The following WDR31 variants were observed in gnomAD, a reference collection of about 807,000 sequenced individuals.
WDR31 encodes WD repeat-containing protein 31.
A neutral mutation model predicts 47.3 loss-of-function variants in WDR31; 30 were observed. The observed-to-expected ratio is 0.63, with a 90% CI of 0.47 to 0.86. WDR31 has a LOEUF of 0.86. Ranked by LOEUF, WDR31 falls within the 40% of genes least tolerant of loss-of-function variation. WDR31 has a pLI of 0.00. For synonymous variants in WDR31, 137 were observed against 159.4 expected (o/e 0.86, Z 1.06); for missense variants, 406 against 442.9 (o/e 0.92, Z 0.75).
In WDR31 at chr9:113,316,517, A is replaced by G. The variant is rs1453058642; in HGVS notation, c.*232T>C. The G allele has an allele frequency of 1.8e-5, 8 of 453,552 alleles. No individual in the cohort carries two copies. Among genetic ancestry groups the G allele is most frequent in the Admixed American group, 3.7e-5 (1 of 27,394 alleles). 28.1% of individuals were successfully genotyped at this position (453,552 alleles called of 1,614,324 possible). ...AAGCTCACTAAAAAGTTGCATTTGT[A>G]TTTAACTTAAATAGAGAACCTTATG... On this transcript the variant is annotated 3_prime_UTR_variant, in exon 11 of 11. Transcript: ENST00000374193.
intron 3 of WDR31, 28 bp downstream of exon 3, chr9:113,331,879 C>T (rs1194411245): frequency 6.2e-7 from 1 of 1,606,784 alleles, no homozygotes; most frequent in African/African-American, 1.3e-5. Flanking sequence ...ATGATAAAAC[C>T]TGGGCTCCCA....
At chr9:113,321,661 C>A in intron 7 of WDR31, 83 bp from the exon 8 acceptor site, 1 of 1,298,268 alleles carries the variant, frequency 7.7e-7, no homozygotes, top group Non-Finnish European at 1.1e-6. Flanking sequence ...TAACTAGCAT[C>A]ACTGTGCCTC....
chr9:113,326,805 A>G (rs774463392), intron 5 of WDR31, among the ~76,000 whole-genome samples: 1 of 151,752 alleles, frequency 6.6e-6, no homozygotes, highest in Non-Finnish European at 1.5e-5. Flanking sequence ...TTTTTTCCTC[A>G]AATATTTTCT....
chr9:113,318,439 G>C (rs1833255831), intron 10 of WDR31, 36 bp downstream of exon 10: 1 of 1,613,000 alleles, frequency 6.2e-7, no homozygotes, highest in Non-Finnish European at 8.5e-7. Context: ...AGGACTTCAT[G>C]TATCTTTTGA....
At chr9:113,318,763 T>C in intron 9 of WDR31, 126 bp from the exon 10 acceptor site, 1 of 933,448 alleles carries the variant, frequency 1.1e-6, no homozygotes, top group Non-Finnish European at 1.6e-6. Context: ...CTACCCCTTA[T>C]CTTCATCCAT....
chr9:113,323,033 GACC>G lies in WDR31; in HGVS notation c.444_446del (p.Val149del), dbSNP rs1278505088. The G allele has an allele frequency of 6.2e-7, 1 of 1,614,156 alleles. No individual in the cohort carries two copies. Among genetic ancestry groups the G allele is most frequent in the South Asian group, 1.1e-5 (1 of 91,062 alleles). ...TACCTGGACTCACAGCCAATCCGGT[GACC>G]ACCATGGCATGGCCACACAATTGCT... is the stretch of plus-strand genomic sequence containing the variant. On this transcript the variant is annotated inframe_deletion, in exon 6 of 11. Transcript: ENST00000374193.
chr9:113,329,076 C>T, intron 4 of WDR31, 121 bp from the exon 5 acceptor site: 2 of 895,720 alleles, frequency 2.2e-6, no homozygotes, highest in Non-Finnish European at 3.6e-6. Context: ...CAGGAACTTG[C>T]TCAAAGCATT....
chr9:113,318,431 G>C, intron 10 of WDR31, 44 bp downstream of exon 10: 6 of 1,611,420 alleles, frequency 3.7e-6, no homozygotes, highest in Non-Finnish European at 5.1e-6. Context: ...AAGGTTTTAG[G>C]ACTTCATGTA....
chr9:113,316,787 T>A lies in WDR31; in HGVS notation c.1066A>T (p.Ser356Cys). 1 of 1,614,178 alleles carries A rather than the reference T, an allele frequency of 6.2e-7. No individual in the cohort carries two copies. Among genetic ancestry groups the A allele is most frequent in the South Asian group, 1.1e-5 (1 of 91,068 alleles). ...ACTTCCTGCAGTTCCAGCCCTTGGC[T>A]GTGGTCCATTCTGAGTAAGTGAATT... Reference protein sequence around the residue: ...RGIHLLRMDHSQGLELQEVAA... With the variant: ...RGIHLLRMDHCQGLELQEVAA... The change falls in exon 11 of 11, where the codon AGC (serine) becomes TGC (cysteine). Residue 356 changes from serine (S) to cysteine (C), a missense_variant. Transcript: ENST00000374193.
Position 113,316,562 on chromosome 9 carries a change from C to A in WDR31, c.*187G>T. On this transcript the variant is annotated 3_prime_UTR_variant, in exon 11 of 11. Coordinates refer to ENST00000374193, the MANE Select transcript of WDR31 (RefSeq NM_001012361.4). ...CTTATGTGTAGTCCATGTTTCTGGA[C>A]TCTATACCTGATTTTGAATCACTGG... 1 of 666,830 alleles carries A rather than the reference C, an allele frequency of 1.5e-6. No homozygotes were observed. Among genetic ancestry groups the A allele is most frequent in the Non-Finnish European group, 2.4e-6 (1 of 412,452 alleles). The allele number at this position is 666,830 out of a possible 1,614,324, so 41.3% of individuals were successfully genotyped here.
intron 8 of WDR31, 105 bp from the exon 9 acceptor site, chr9:113,320,603 G>A (rs772735925): frequency 3.0e-4 from 421 of 1,391,418 alleles, no homozygotes; most frequent in Non-Finnish European, 3.8e-4. Context: ...GCATAGGCCA[G>A]TCAGATTGGA....
chr9:113,334,133 A>G (rs1833664518), intron 2 of WDR31, among the ~76,000 whole-genome samples: 1 of 151,810 alleles, frequency 6.6e-6, no homozygotes, highest in African/African-American at 2.4e-5. Flanking sequence ...CCTCCCAGGG[A>G]GCTGGGACTA....
At chr9:113,317,501 T>G (rs1267571941) in intron 10 of WDR31, among the ~76,000 whole-genome samples, 1 of 152,230 alleles carries the variant, frequency 6.6e-6, no homozygotes, top group Non-Finnish European at 1.5e-5. Flanking sequence ...CATCTGCTCT[T>G]TTTCCTCAAG....
intron 3 of WDR31, 57 bp downstream of exon 3, chr9:113,331,850 T>C: frequency 1.3e-6 from 2 of 1,528,304 alleles, no homozygotes; most frequent in South Asian, 1.1e-5. Flanking sequence ...CTTTCTTCAG[T>C]GGAGAGTTTT....
At chr9:113,334,807 C>T (rs1329196262) in intron 2 of WDR31, among the ~76,000 whole-genome samples, 1 of 151,244 alleles carries the variant, frequency 6.6e-6, no homozygotes, top group Non-Finnish European at 1.5e-5. Flanking sequence ...GATCCACCCA[C>T]CTTGACTTCC....
chr9:113,338,143 G>C (rs1833756581), intron 1 of WDR31, among the ~76,000 whole-genome samples: 1 of 152,214 alleles, frequency 6.6e-6, no homozygotes, highest in South Asian at 2.1e-4. Context: ...AAGATTAACA[G>C]TGATCATACT....
rs746156801 is a variant in WDR31 at position 113,316,675 on chromosome 9, A to G, written c.*74T>C. 38 of 1,531,232 alleles carry G rather than the reference A, an allele frequency of 2.5e-5. No homozygotes were observed. Among genetic ancestry groups the G allele is most frequent in the Non-Finnish European group, 3.3e-5 (37 of 1,135,620 alleles). The allele number at this position is 1,531,232 out of a possible 1,614,324, so 94.9% of individuals were successfully genotyped here. A position where few individuals can be genotyped will look rare whatever the true frequency, so the allele number is the denominator to read the frequency against. On this transcript the variant is annotated 3_prime_UTR_variant, in exon 11 of 11. Transcript: ENST00000374193. The stretch of plus-strand genomic sequence containing the variant: ...AGCCCTACATCCCACTCCCCTCAAG[A>G]TAACTGGGAAAGACACAAAGCCATG...
intron 3 of WDR31, among the ~76,000 whole-genome samples, chr9:113,331,327 G>A (rs1833592886): frequency 6.6e-6 from 1 of 152,186 alleles, no homozygotes; most frequent in South Asian, 2.1e-4. Flanking sequence ...TGAAGGACTG[G>A]AATCTGATAA....
chr9:113,327,846 G>T (rs1037203003), intron 5 of WDR31, among the ~76,000 whole-genome samples: 1 of 152,176 alleles, frequency 6.6e-6, no homozygotes, highest in South Asian at 2.1e-4. Context: ...CACTTACTTG[G>T]GTGGCCAAGG....
Sources: gnomAD v4.1 joint callset for allele counts (sites outside exome capture counted in the v4.1 genomes callset) on GRCh38, gnomAD v4.1.1 for gene constraint, MANE v1.5 for transcripts, NCBI Gene and HGNC (gene_info 2026-07-23, HGNC 2026-07-21) for gene names.